The following TRPC4 variants were observed in gnomAD, a reference collection of about 807,000 sequenced individuals.
TRPC4 encodes short transient receptor potential channel 4.
A neutral mutation model predicts 99.4 loss-of-function variants in TRPC4; 49 were observed. That is an observed-to-expected ratio of 0.49 (90% CI 0.39 to 0.63). The LOEUF (loss-of-function observed/expected upper bound fraction) is 0.63, where lower values mean the gene tolerates loss of function less well. Ranked by LOEUF, TRPC4 falls within the 20% of genes least tolerant of loss-of-function variation. TRPC4 has a pLI of 0.00. For missense variants in TRPC4, 898 were observed against 1,152.9 expected, an observed-to-expected ratio of 0.78 and a Z score of 3.20; for synonymous variants, 454 against 425.9, an observed-to-expected ratio of 1.07 and a Z score of -0.81.
At chr13:37,717,551 A>G (rs186758269) in intron 3 of TRPC4, among the ~76,000 whole-genome samples, 1 of 152,290 alleles carries the variant, frequency 6.6e-6, no homozygotes, top group African/African-American at 2.4e-5. Flanking sequence ...TCCTAACCCC[A>G]GAACCTTAGA....
intron 1 of TRPC4, among the ~76,000 whole-genome samples, chr13:37,840,818 C>T (rs758130087): frequency 6.6e-6 from 1 of 151,904 alleles, no homozygotes; most frequent in Non-Finnish European, 1.5e-5. Context: ...AGTCTATCAT[C>T]GGAAAACAAT....
chr13:37,674,214 T>C lies in TRPC4; in HGVS notation c.1374+14A>G, dbSNP rs1472557227. On this transcript the variant is annotated intron_variant, in intron 5 of 10. Coordinates refer to ENST00000379705, the MANE Select transcript of TRPC4 (RefSeq NM_016179.4). ...CAGAACATATGCTTTACCAACAACA[T>C]AAATAATAGTTACCTTTACAAATGC... is the stretch of plus-strand genomic sequence containing the variant. 4 of 1,567,562 alleles carry C rather than the reference T, an allele frequency of 2.6e-6. No individual in the cohort carries two copies. Among genetic ancestry groups the C allele is most frequent in the Admixed American group, 1.9e-5 (1 of 52,396 alleles).
At chr13:37,787,216 T>C (rs923065939) in intron 1 of TRPC4, among the ~76,000 whole-genome samples, 5 of 152,094 alleles carry the variant, frequency 3.3e-5, no homozygotes, top group Admixed American at 2.6e-4. Context: ...TGAACAACAT[T>C]TTATTTTCTT....
At chr13:37,704,865 C>T (rs576311388) in intron 3 of TRPC4, among the ~76,000 whole-genome samples, 42 of 152,118 alleles carry the variant, frequency 2.8e-4, no homozygotes, top group South Asian at 6.2e-4. Context: ...TAAATGAGTA[C>T]ATTCATTATG....
At chr13:37,791,937 G>A (rs936991942) in intron 1 of TRPC4, among the ~76,000 whole-genome samples, 1 of 152,140 alleles carries the variant, frequency 6.6e-6, no homozygotes, top group Non-Finnish European at 1.5e-5. Context: ...AGGAAAAAGC[G>A]GAAGAGATGA....
intron 3 of TRPC4, among the ~76,000 whole-genome samples, chr13:37,731,920 A>G (rs538364340): frequency 1.1e-4 from 16 of 152,246 alleles, no homozygotes; most frequent in South Asian, 2.1e-4. Context: ...AACAAAAATT[A>G]TATGTGAAGC....
At chr13:37,816,562 C>T (rs1254494638) in intron 1 of TRPC4, among the ~76,000 whole-genome samples, 1 of 151,830 alleles carries the variant, frequency 6.6e-6, no homozygotes, top group South Asian at 2.1e-4. Context: ...CAAAATCTGG[C>T]AGAAATACAG....
intron 1 of TRPC4, among the ~76,000 whole-genome samples, chr13:37,841,946 T>C (rs1207969114): frequency 1.3e-5 from 2 of 152,046 alleles, no homozygotes; most frequent in Non-Finnish European, 2.9e-5. Context: ...AATCATAAAA[T>C]TTTATTTATA....
intron 1 of TRPC4, among the ~76,000 whole-genome samples, chr13:37,783,957 C>T (rs1329944242): frequency 1.3e-5 from 2 of 152,076 alleles, no homozygotes; most frequent in Non-Finnish European, 2.9e-5. Flanking sequence ...ATCCACCTGC[C>T]TTGGCCTCCC....
chr13:37,723,663 C>A (rs1954945509), intron 3 of TRPC4, among the ~76,000 whole-genome samples: 3 of 152,134 alleles, frequency 2.0e-5, no homozygotes, highest in Non-Finnish European at 4.4e-5. Context: ...AATCCTCTGC[C>A]TCAGCCTTCT....
At chr13:37,645,855 A>C (rs955700424) in intron 8 of TRPC4, among the ~76,000 whole-genome samples, 9 of 152,250 alleles carry the variant, frequency 5.9e-5, no homozygotes, top group African/African-American at 1.9e-4. Flanking sequence ...TGAAATACCA[A>C]GAATATCAAG....
intron 2 of TRPC4, among the ~76,000 whole-genome samples, chr13:37,764,473 A>T (rs1276571161): frequency 6.7e-5 from 10 of 148,254 alleles, no homozygotes; most frequent in Admixed American, 6.7e-4. Context: ...GGTTACAATA[A>T]TTTGTAGATG....
At chr13:37,868,128 T>C (rs1370391686) in intron 1 of TRPC4, among the ~76,000 whole-genome samples, 2 of 152,212 alleles carry the variant, frequency 1.3e-5, no homozygotes, top group Non-Finnish European at 2.9e-5. Flanking sequence ...TGTCATAGAC[T>C]TTTTAATGCA....
chr13:37,755,664 T>C (rs1593668146), intron 2 of TRPC4, among the ~76,000 whole-genome samples: 1 of 151,906 alleles, frequency 6.6e-6, no homozygotes, highest in South Asian at 2.1e-4. Context: ...AGCCTCCCAA[T>C]GTGCTGGGAT....
intron 1 of TRPC4, among the ~76,000 whole-genome samples, chr13:37,831,030 A>G (rs888234177): frequency 2.7e-5 from 4 of 149,446 alleles, no homozygotes; most frequent in Non-Finnish European, 5.9e-5. Flanking sequence ...AAGATTTGCA[A>G]ATATTTTCTC....
chr13:37,776,750 G>A (rs1052603353), intron 2 of TRPC4, among the ~76,000 whole-genome samples: 13 of 151,894 alleles, frequency 8.6e-5, no homozygotes, highest in Admixed American at 5.3e-4. Flanking sequence ...AAAGCCCAAT[G>A]TGGAAAACCC....
intron 1 of TRPC4, among the ~76,000 whole-genome samples, chr13:37,790,596 C>T (rs1383874807): frequency 6.6e-6 from 1 of 152,152 alleles, no homozygotes; most frequent in African/African-American, 2.4e-5. Context: ...AATAAGGTTA[C>T]TTATCAGGAC....
intron 8 of TRPC4, among the ~76,000 whole-genome samples, chr13:37,648,012 G>T (rs895024901): frequency 6.6e-6 from 1 of 151,960 alleles, no homozygotes; most frequent in Admixed American, 6.6e-5. Context: ...GTGCGATCTC[G>T]GCTCACTGCA....
intron 2 of TRPC4, among the ~76,000 whole-genome samples, chr13:37,772,475 A>G (rs770709239): frequency 4.6e-5 from 7 of 151,746 alleles, no homozygotes; most frequent in Non-Finnish European, 8.8e-5. Context: ...ATACATACAT[A>G]TTCATGTGTG....
Sources: gnomAD v4.1 joint callset for allele counts (sites outside exome capture counted in the v4.1 genomes callset) on GRCh38, gnomAD v4.1.1 for gene constraint, MANE v1.5 for transcripts, NCBI Gene and HGNC (gene_info 2026-07-23, HGNC 2026-07-21) for gene names.